DHRS12: variants seen among roughly 807,000 people sequenced by gnomAD.
The protein encoded by DHRS12 is dehydrogenase/reductase 12, also known as dehydrogenase/reductase SDR family member 12.
A neutral mutation model predicts 32.1 loss-of-function variants in DHRS12; 29 were observed. The ratio of observed to expected loss-of-function variants is 0.90; its 90% CI spans 0.67 to 1.23. The LOEUF is 1.23. Ranked by LOEUF, DHRS12 falls within the 50% of genes most tolerant of loss-of-function variation. The probability of loss-of-function intolerance (pLI) is 0.00; values close to 1 mark genes in which losing one functional copy is unlikely to be tolerated. For synonymous variants in DHRS12, 150 were observed against 135.9 expected (o/e 1.10, Z -0.72); for missense variants, 330 against 337.2 (o/e 0.98, Z 0.17).
intron 4 of DHRS12, among the ~76,000 whole-genome samples, chr13:51,785,630 G>T (rs1017889226): frequency 6.6e-6 from 1 of 152,206 alleles, no homozygotes; most frequent in Non-Finnish European, 1.5e-5. Flanking sequence ...GGTCCAAGGA[G>T]GATACAAGAT....
At chr13:51,781,454 G>A (rs1228437503) in intron 4 of DHRS12, among the ~76,000 whole-genome samples, 2 of 152,154 alleles carry the variant, frequency 1.3e-5, no homozygotes, top group South Asian at 4.1e-4. Flanking sequence ...CCTGCCCTCT[G>A]CCAGGCATTC....
rs1256496106 is a variant in DHRS12 at position 51,804,053 on chromosome 13, C to T, written c.-9+1G>A. ...CCCCGCGCCCCGCCGCGCCGCCTTA[C>T]TTGGTGTACTCGCGCAGCCCCTTGG... On this transcript the variant is annotated splice_donor_variant, in intron 1 of 8. Transcript: ENST00000444610. LOFTEE classifies it low-confidence loss of function (5UTR_SPLICE). 3.4e-6 allele frequency: 5 copies of T among 1,480,948 alleles called. No individual in the cohort carries two copies. The African/African-American group carries it at 5.8e-5, about 17-fold the overall frequency. 91.7% of individuals were successfully genotyped at this position (1,480,948 alleles called of 1,614,324 possible). A position where few individuals can be genotyped will look rare whatever the true frequency, so the allele number is the denominator to read the frequency against.
intron 6 of DHRS12, chr13:51,772,984 C>T (rs1954103499): frequency 5.1e-6 from 5 of 985,440 alleles, no homozygotes; most frequent in Non-Finnish European, 6.0e-6. Flanking sequence ...CACACAGCAG[C>T]GACAAGGAAG....
At chr13:51,771,982 C>T in intron 6 of DHRS12, 71 bp from the exon 7 acceptor site, 1 of 1,458,240 alleles carries the variant, frequency 6.9e-7, no homozygotes, top group South Asian at 1.2e-5. Context: ...AGGGGATAAG[C>T]CCTGCCCAGC....
the DHRS12 span, chr13:51,755,216 T>C: frequency 1.1e-5 from 8 of 750,948 alleles, no homozygotes; most frequent in East Asian, 8.1e-5. Flanking sequence ...TCAGTAAATA[T>C]TTTTTGAATG....
At chr13:51,799,699 T>C in intron 1 of DHRS12, 32 bp from the exon 2 acceptor site, 1 of 1,609,968 alleles carries the variant, frequency 6.2e-7, no homozygotes, top group Non-Finnish European at 8.5e-7. Context: ...GAAGACCAGC[T>C]GTAAGGAGTG....
At chr13:51,786,080 C>G in intron 4 of DHRS12, among the ~76,000 whole-genome samples, 1 of 152,160 alleles carries the variant, frequency 6.6e-6, no homozygotes, top group East Asian at 1.9e-4. Flanking sequence ...GGGATGTGCC[C>G]GAGGAGGGTG....
chr13:51,770,855 T>G, intron 7 of DHRS12: 1 of 1,093,208 alleles, frequency 9.1e-7, no homozygotes, highest in Admixed American at 4.7e-5. Flanking sequence ...CAGCAGAGTC[T>G]TCAGCCCTGA....
At chr13:51,762,987 T>C in the DHRS12 span, 1 of 152,194 alleles carries the variant, frequency 6.6e-6, no homozygotes, top group Non-Finnish European at 1.5e-5. Context: ...TCATTTTGTA[T>C]GGGGTCAATC....
At chr13:51,801,609 A>G (rs1449178705) in intron 1 of DHRS12, among the ~76,000 whole-genome samples, 2 of 152,216 alleles carry the variant, frequency 1.3e-5, no homozygotes, top group Non-Finnish European at 2.9e-5. Flanking sequence ...CAAAGAGGAA[A>G]CTGGAAGATT....
intron 4 of DHRS12, chr13:51,789,757 A>G: frequency 1.0e-6 from 1 of 985,464 alleles, no homozygotes; most frequent in South Asian, 4.7e-5. Context: ...CAATGTCTAT[A>G]AACAGCCTAG....
chr13:51,804,019 AGCCCGGGGCCCCGCGCCCC>A lies in DHRS12; in HGVS notation c.-9+16_-9+34del. ...CCCGCGCCGAGGCGGGCCACGTGAC[AGCCCGGGGCCCCGCGCCCC>A]GCCGCGCCGCCTTACTTGGTGTACT... is the stretch of plus-strand genomic sequence containing the variant. On this transcript the variant is annotated intron_variant, in intron 1 of 8. Coordinates refer to ENST00000444610, the MANE Select transcript of DHRS12 (RefSeq NM_001377533.1). 1 of 1,451,168 alleles carries A rather than the reference AGCCCGGGGCCCCGCGCCCC, an allele frequency of 6.9e-7. No homozygotes were observed. The highest frequency in any genetic ancestry group is 9.0e-7 in the Non-Finnish European group (1 of 1,106,390). The allele number at this position is 1,451,168 out of a possible 1,614,324, so 89.9% of individuals were successfully genotyped here.
At chr13:51,762,399 A>G in the DHRS12 span, 13 of 152,260 alleles carry the variant, frequency 8.5e-5, no homozygotes, top group Admixed American at 3.9e-4. Context: ...TTCACAGCCC[A>G]CTGGTGTTGA....
chr13:51,788,733 T>A (rs1955116159), intron 4 of DHRS12, among the ~76,000 whole-genome samples: 1 of 152,046 alleles, frequency 6.6e-6, no homozygotes, highest in Non-Finnish European at 1.5e-5. Flanking sequence ...TGGTGGTACA[T>A]GCCGTAGTCC....
intron 5 of DHRS12, chr13:51,774,344 C>T (rs1387430061): frequency 6.7e-6 from 1 of 149,656 alleles, no homozygotes; most frequent in Non-Finnish European, 1.5e-5. Flanking sequence ...CAGTATTCTC[C>T]TACATGTATT....
At chr13:51,771,613 A>T (rs1954020496) in intron 7 of DHRS12, 7 of 1,495,306 alleles carry the variant, frequency 4.7e-6, no homozygotes, top group Non-Finnish European at 5.4e-6. Context: ...TGACTTGCAC[A>T]GGGCAAGCTG....
At chr13:51,786,904 A>G (rs1954984078) in intron 4 of DHRS12, among the ~76,000 whole-genome samples, 2 of 152,160 alleles carry the variant, frequency 1.3e-5, no homozygotes, top group Admixed American at 1.3e-4. Context: ...CCAGGAAAAC[A>G]TGTTTCATAT....
At chr13:51,755,605 A>C in the DHRS12 span, 1 of 757,370 alleles carries the variant, frequency 1.3e-6, no homozygotes, top group African/African-American at 1.7e-5. Context: ...ACAGTAATTT[A>C]CTCTGTCTAC....
chr13:51,779,409 T>TGCATTTGTCCCATGTGCC (rs1175971472), intron 4 of DHRS12, among the ~76,000 whole-genome samples: 6 of 152,210 alleles, frequency 3.9e-5, no homozygotes, highest in Non-Finnish European at 8.8e-5. Context: ...GGCCAGGTGC[T>TGCATTTGTCCCATGTGCC]GCATTTGTCC....
Sources: gnomAD v4.1 joint callset for allele counts (sites outside exome capture counted in the v4.1 genomes callset) on GRCh38, gnomAD v4.1.1 for gene constraint, MANE v1.5 for transcripts, NCBI Gene and HGNC (gene_info 2026-07-23, HGNC 2026-07-21) for gene names.